CAB39L: variants seen among roughly 807,000 people sequenced by gnomAD.
CAB39L encodes the protein calcium binding protein 39 like, also known as calcium-binding protein 39-like.
CAB39L carries 23 observed loss-of-function variants against 39.1 expected under a neutral mutation model. The observed-to-expected ratio is 0.59, with a 90% CI of 0.42 to 0.83. The LOEUF (loss-of-function observed/expected upper bound fraction) is 0.83, where lower values mean the gene tolerates loss of function less well. CAB39L is among the 40% of genes least tolerant of loss of function. CAB39L has a pLI of 0.00. For missense variants in CAB39L, 366 were observed against 391.9 expected (o/e 0.93, Z 0.56); for synonymous variants, 126 against 137.2 (o/e 0.92, Z 0.57).
chr13:49,382,743 GT>G, intron 4 of CAB39L, 56 bp downstream of exon 4: 11 of 1,047,950 alleles, frequency 1.0e-5, no homozygotes, highest in Non-Finnish European at 1.5e-5. Context: ...TTTTACATTG[GT>G]TTTTGGCATT....
intron 1 of CAB39L, among the ~76,000 whole-genome samples, chr13:49,440,191 T>C (rs1320418224): frequency 6.6e-6 from 1 of 152,166 alleles, no homozygotes; most frequent in African/African-American, 2.4e-5. Flanking sequence ...GATTTTTTCC[T>C]AGGATTCTTA....
chr13:49,320,959 G>C (rs1431017448), intron 10 of CAB39L, among the ~76,000 whole-genome samples: 1 of 152,162 alleles, frequency 6.6e-6, no homozygotes, highest in African/African-American at 2.4e-5. Context: ...AGGAAGAAAA[G>C]CCCCAGGAAG....
intron 3 of CAB39L, among the ~76,000 whole-genome samples, chr13:49,432,725 C>T (rs1022285847): frequency 6.6e-6 from 1 of 152,112 alleles, no homozygotes; most frequent in African/African-American, 2.4e-5. Flanking sequence ...TTAAAATCCT[C>T]CACTTGTGGA....
intron 3 of CAB39L, among the ~76,000 whole-genome samples, chr13:49,420,819 G>A (rs1275321693): frequency 6.6e-5 from 10 of 151,952 alleles, no homozygotes; most frequent in Admixed American, 6.6e-4. Flanking sequence ...CTGCATATAA[G>A]GTCAAGAATC....
chr13:49,308,838 A>G lies in CAB39L; in HGVS notation c.*1976T>C, dbSNP rs1188655040. 1.3e-5 allele frequency: 2 copies of G among 152,508 alleles called. No individual in the cohort carries two copies. Among genetic ancestry groups the G allele is most frequent in the South Asian group, 2.1e-4 (1 of 4,826 alleles). The allele number at this position is 152,508 out of a possible 1,614,324, so 9.4% of individuals were successfully genotyped here. On this transcript the variant is annotated 3_prime_UTR_variant, in exon 11 of 11. Coordinates refer to ENST00000409308, the MANE Select transcript of CAB39L (RefSeq NM_001079670.3). ...TAATAACTTACAAATTCAGATCACA[A>G]CAAAACCCCAGACTCTAGTTTTCTG...
At chr13:49,399,550 T>C (rs1421579113) in intron 3 of CAB39L, among the ~76,000 whole-genome samples, 1 of 152,086 alleles carries the variant, frequency 6.6e-6, no homozygotes, top group East Asian at 1.9e-4. Context: ...TAGACTATAA[T>C]AAACGCCCAA....
chr13:49,389,656 C>T (rs531225632), intron 3 of CAB39L, among the ~76,000 whole-genome samples: 144 of 152,206 alleles, frequency 9.5e-4, no homozygotes, highest in Non-Finnish European at 1.6e-3. Context: ...CAAAACACTG[C>T]TTTAAAATAG....
At position 49,439,035 on chromosome 13, in the gene CAB39L, C is replaced by T. The variant is rs560053127; in HGVS notation, c.-245-4812G>A. On this transcript the variant is annotated intron_variant, in intron 1 of 10. Coordinates refer to ENST00000409308, the MANE Select transcript of CAB39L (RefSeq NM_001079670.3). ...GGAACTCCATTTATATTTATTCTGGCTCTCTTTGCCTGTCTTGTCACCTCT... is the reference window on the plus strand; with the variant it reads ...GGAACTCCATTTATATTTATTCTGGTTCTCTTTGCCTGTCTTGTCACCTCT... Among the ~76,000 whole-genome samples the T allele has an allele frequency of 2.7e-4, 41 of 152,326 alleles. No individual in the cohort carries two copies. The South Asian group carries it at 4.6e-3, about 17-fold the overall frequency.
intron 8 of CAB39L, among the ~76,000 whole-genome samples, chr13:49,341,178 A>T (rs1954993620): frequency 6.6e-6 from 1 of 152,226 alleles, no homozygotes; most frequent in African/African-American, 2.4e-5. Context: ...TCCATCTAGC[A>T]TATATAGTTA....
chr13:49,402,338 G>A (rs911887501), intron 3 of CAB39L, among the ~76,000 whole-genome samples: 4 of 152,160 alleles, frequency 2.6e-5, no homozygotes, highest in Admixed American at 6.5e-5. Context: ...GAGTGGGCTC[G>A]TGGTTGGCAG....
intron 10 of CAB39L, among the ~76,000 whole-genome samples, chr13:49,329,544 AATAT>A (rs1179579885): frequency 7.2e-3 from 241 of 33,548 alleles, no homozygotes; most frequent in Non-Finnish European, 9.2e-3. Flanking sequence ...TAAAAAAAAA[AATAT>A]ATATATATAT....
intron 10 of CAB39L, among the ~76,000 whole-genome samples, chr13:49,320,103 C>A (rs528736263): frequency 6.6e-6 from 1 of 152,224 alleles, no homozygotes; most frequent in South Asian, 2.1e-4. Context: ...CTGGAGTCAG[C>A]TAATGCAATA....
rs1315555043 is a variant in CAB39L, at chr13:49,440,756, GTGTA to G, written c.-246+3226_-246+3229del. 5.5e-5 allele frequency among the ~76,000 whole-genome samples: 7 copies of G among 127,762 alleles called. No homozygotes were observed. The East Asian group carries it at 7.1e-4, about 13-fold the overall frequency. 83.8% of individuals were successfully genotyped at this position (127,762 alleles called of 152,430 possible). On this transcript the variant is annotated intron_variant, in intron 1 of 10. Transcript: ENST00000409308. ...TGTGTGTGTGTGTGTGTGTGTGTGT[GTGTA>G]TGGCTATCGTAAACAGGACTGCATT...
intron 10 of CAB39L, among the ~76,000 whole-genome samples, chr13:49,329,744 G>A (rs1201403295): frequency 1.3e-5 from 2 of 151,568 alleles, no homozygotes; most frequent in African/African-American, 2.4e-5. Flanking sequence ...CTGAGATCAG[G>A]TGCCATGGTT....
intron 3 of CAB39L, among the ~76,000 whole-genome samples, chr13:49,408,004 T>C (rs560749109): frequency 1.3e-5 from 2 of 152,124 alleles, no homozygotes; most frequent in East Asian, 1.9e-4. Flanking sequence ...AAGAGCTAAA[T>C]AATTTGCGGA....
At chr13:49,378,667 G>T (rs1161972493) in intron 4 of CAB39L, among the ~76,000 whole-genome samples, 1 of 62,662 alleles carries the variant, frequency 1.6e-5, no homozygotes, top group East Asian at 2.9e-4. Context: ...CTACTGGGAA[G>T]TGAGGAGCCC....
intron 1 of CAB39L, among the ~76,000 whole-genome samples, chr13:49,438,074 C>T (rs903022523): frequency 2.0e-5 from 3 of 152,042 alleles, no homozygotes; most frequent in Non-Finnish European, 4.4e-5. Context: ...TGGGCTCAAG[C>T]AATCTTCCTG....
chr13:49,378,819 C>T (rs1956180475), intron 4 of CAB39L, among the ~76,000 whole-genome samples: 1 of 64,850 alleles, frequency 1.5e-5, no homozygotes, highest in Admixed American at 1.1e-4. Flanking sequence ...TGAGGGGCGC[C>T]TCTGCCCGGC....
chr13:49,359,653 C>A, intron 6 of CAB39L, 61 bp downstream of exon 6: 1 of 837,210 alleles, frequency 1.2e-6, no homozygotes, highest in Non-Finnish European at 2.0e-6. Context: ...GAGACTAATG[C>A]TATGCACTTT....
Sources: allele counts gnomAD v4.1 joint callset (sites outside exome capture counted in the v4.1 genomes callset), GRCh38; gene constraint gnomAD v4.1.1; transcripts MANE v1.5; gene names NCBI Gene and HGNC (gene_info 2026-07-23, HGNC 2026-07-21).